GPHN: variants seen among roughly 807,000 people sequenced by gnomAD.
The protein encoded by GPHN is gephyrin.
In GPHN, 17 loss-of-function variants were observed where a neutral mutation model predicts 95.5. That is an observed-to-expected ratio of 0.18 (90% CI 0.12 to 0.27). The LOEUF (loss-of-function observed/expected upper bound fraction) is 0.27. GPHN is among the 10% of genes least tolerant of loss of function. GPHN has a pLI of 1.00. For synonymous variants in GPHN, 320 were observed against 322.5 expected (o/e 0.99, Z 0.08); for missense variants, 660 against 978.1 (o/e 0.67, Z 4.34).
the GPHN span, among the ~76,000 whole-genome samples, chr14:67,624,821 A>T: frequency 7.7e-4 from 118 of 152,334 alleles, no homozygotes; most frequent in African/African-American, 2.6e-3. Flanking sequence ...CAATCTGGGG[A>T]GCATTTATTC....
At chr14:66,690,019 A>G (rs1448396980) in intron 2 of GPHN, among the ~76,000 whole-genome samples, 1 of 150,622 alleles carries the variant, frequency 6.6e-6, no homozygotes, top group Non-Finnish European at 1.5e-5. Context: ...GACTTTTTTT[A>G]TATGTTGTAT....
At chr14:67,121,471 G>T (rs1238309671) in intron 16 of GPHN, among the ~76,000 whole-genome samples, 1 of 152,064 alleles carries the variant, frequency 6.6e-6, no homozygotes, top group Admixed American at 6.5e-5. Context: ...CAATTACCTT[G>T]CAAGGTAGTT....
intron 11 of GPHN, among the ~76,000 whole-genome samples, chr14:67,073,612 C>T (rs988880144): frequency 6.6e-6 from 1 of 152,074 alleles, no homozygotes; most frequent in Admixed American, 6.5e-5. Context: ...ACATGAAACA[C>T]CAACCCAACT....
chr14:67,536,704 C>T, the GPHN span, among the ~76,000 whole-genome samples: 2 of 151,898 alleles, frequency 1.3e-5, no homozygotes, highest in Non-Finnish European at 2.9e-5. Context: ...ATCTTTATAT[C>T]CCCAATCTTG....
the GPHN span, chr14:67,352,803 T>TG: frequency 1.5e-6 from 1 of 666,186 alleles, no homozygotes; most frequent in Non-Finnish European, 2.5e-6. Context: ...AAACTTATAA[T>TG]GGTATTTTTA....
chr14:66,631,117 C>T (rs1251022626), intron 1 of GPHN, among the ~76,000 whole-genome samples: 4 of 151,740 alleles, frequency 2.6e-5, no homozygotes, highest in East Asian at 3.9e-4. Context: ...GTGGTGCTGT[C>T]GGCTCACTGT....
the GPHN span, chr14:67,571,901 A>G: frequency 6.2e-7 from 1 of 1,606,910 alleles, no homozygotes; most frequent in Non-Finnish European, 8.5e-7. Context: ...CCATCAAGAG[A>G]GGTACAGAGA....
At chr14:66,652,967 A>G (rs1339587669) in intron 1 of GPHN, among the ~76,000 whole-genome samples, 4 of 152,108 alleles carry the variant, frequency 2.6e-5, no homozygotes, top group Non-Finnish European at 5.9e-5. Flanking sequence ...GCCTCTGCCT[A>G]TTCTCTGGGC....
At chr14:67,452,325 CAAAAAA>C in the GPHN span, among the ~76,000 whole-genome samples, 1 of 107,920 alleles carries the variant, frequency 9.3e-6, no homozygotes, top group South Asian at 2.9e-4. Flanking sequence ...GACTCTGTCT[CAAAAAA>C]AAAAAAAAAA....
the GPHN span, chr14:67,541,746 G>C: frequency 1.2e-6 from 1 of 869,430 alleles, no homozygotes; most frequent in East Asian, 3.0e-5. Context: ...TGTTTTCTCT[G>C]TCCTTTGGTC....
chr14:67,586,044 A>G, the GPHN span: 1 of 1,613,862 alleles, frequency 6.2e-7, no homozygotes. Flanking sequence ...CCCAGACAAG[A>G]GCTCTGGAAA....
the GPHN span, among the ~76,000 whole-genome samples, chr14:67,625,736 CAAAAAAA>C: frequency 8.4e-6 from 1 of 118,466 alleles, no homozygotes; most frequent in East Asian, 2.6e-4. Flanking sequence ...AATGAAAAAC[CAAAAAAA>C]AAAAAGAGAA....
At chr14:66,875,965 A>G (rs567129445) in intron 4 of GPHN, among the ~76,000 whole-genome samples, 1 of 152,322 alleles carries the variant, frequency 6.6e-6, no homozygotes, top group South Asian at 2.1e-4. Flanking sequence ...TCTGAGCACC[A>G]CATCACACGT....
chr14:67,452,717 CA>C, the GPHN span, among the ~76,000 whole-genome samples: 1 of 152,142 alleles, frequency 6.6e-6, no homozygotes, highest in African/African-American at 2.4e-5. Context: ...TGACCTGGAG[CA>C]AGTTAATTTC....
intron 4 of GPHN, among the ~76,000 whole-genome samples, chr14:66,836,774 G>T (rs1381713096): frequency 6.6e-6 from 1 of 151,914 alleles, no homozygotes; most frequent in Non-Finnish European, 1.5e-5. Flanking sequence ...CCATCAAAAA[G>T]AGGGCGAAGG....
chr14:66,906,582 C>T (rs2065390978), intron 5 of GPHN, among the ~76,000 whole-genome samples: 1 of 152,144 alleles, frequency 6.6e-6, no homozygotes, highest in Admixed American at 6.5e-5. Flanking sequence ...ATCTCATCTT[C>T]ATATTTGAGT....
chr14:67,356,555 ATTAAC>A, the GPHN span, among the ~76,000 whole-genome samples: 3 of 152,218 alleles, frequency 2.0e-5, no homozygotes, highest in African/African-American at 4.8e-5. Context: ...GACTTTAGAC[ATTAAC>A]TTAAAGATTA....
the GPHN span, among the ~76,000 whole-genome samples, chr14:67,251,415 C>A: frequency 6.6e-6 from 1 of 151,982 alleles, no homozygotes; most frequent in Non-Finnish European, 1.5e-5. Flanking sequence ...TGCCTGTGGT[C>A]CCAGCTACTC....
intron 2 of GPHN, among the ~76,000 whole-genome samples, chr14:66,775,042 T>C (rs1288732288): frequency 6.6e-6 from 1 of 152,146 alleles, no homozygotes; most frequent in African/African-American, 2.4e-5. Context: ...ACTTTTATTT[T>C]AGTTCAGGGT....
Sources: allele counts gnomAD v4.1 joint callset (sites outside exome capture counted in the v4.1 genomes callset), GRCh38; gene constraint gnomAD v4.1.1; transcripts MANE v1.5; gene names NCBI Gene and HGNC (gene_info 2026-07-23, HGNC 2026-07-21).